Variants in FAM135B observed in about 807,000 individuals in gnomAD.
FAM135B encodes the protein protein FAM135B.
In FAM135B, 43 loss-of-function variants were observed where a neutral mutation model predicts 127.7. The observed-to-expected ratio is 0.34, with a 90% CI of 0.26 to 0.43. The LOEUF is 0.43. Among genes scored for constraint, FAM135B ranks in the 20% least tolerant of loss-of-function variants. FAM135B has a pLI of 1.00. For synonymous variants in FAM135B, 670 were observed against 665.1 expected, an observed-to-expected ratio of 1.01 and a Z score of -0.11; for missense variants, 1,558 against 1,725.6, an observed-to-expected ratio of 0.90 and a Z score of 1.72.
intron 3 of FAM135B, among the ~76,000 whole-genome samples, chr8:138,286,247 G>A (rs984157588): frequency 1.8e-4 from 28 of 152,348 alleles, no homozygotes; most frequent in Admixed American, 2.0e-4. Flanking sequence ...GCAAACCAAT[G>A]TGAGGGAGCA....
chr8:138,275,358 C>T (rs551225158), intron 3 of FAM135B, among the ~76,000 whole-genome samples: 23 of 152,238 alleles, frequency 1.5e-4, no homozygotes, highest in African/African-American at 5.3e-4. Context: ...TGCTTCTGCT[C>T]TTACCACCTA....
At chr8:138,407,663 T>G (rs951295353) in intron 1 of FAM135B, among the ~76,000 whole-genome samples, 2 of 152,200 alleles carry the variant, frequency 1.3e-5, no homozygotes, top group Non-Finnish European at 2.9e-5. Flanking sequence ...GGGGAAAGGA[T>G]TCCCTATTTA....
At chr8:138,186,113 T>C (rs1021073924) in intron 9 of FAM135B, among the ~76,000 whole-genome samples, 4 of 152,160 alleles carry the variant, frequency 2.6e-5, no homozygotes, top group African/African-American at 9.7e-5. Context: ...CCAGGCTCCA[T>C]GCCGGCCTCC....
intron 1 of FAM135B, among the ~76,000 whole-genome samples, chr8:138,371,288 T>C (rs549508297): frequency 6.6e-6 from 1 of 152,254 alleles, no homozygotes; most frequent in East Asian, 1.9e-4. Context: ...TGTTGGAACA[T>C]ACTTATGACA....
Position 138,152,926 on chromosome 8 carries a change from C to G in FAM135B, c.1549G>C (p.Glu517Gln). Residue 517 changes from glutamate to glutamine, a missense_variant, in exon 13 of 20, where the codon GAA (glutamate) becomes CAA (glutamine). Glu to Gln is a conservative substitution (Grantham distance 29). This residue lies in a region of FAM135B where 923 missense variants were observed against 865.3 expected (regional missense o/e 1.07). Transcript: ENST00000395297. ...TCAGATGTTTGGCCAGTCCAACATT[C>G]ATCTTCAGGCACACCTGCTTTGTTT... ...FQNKAGVPED[E>Q]CWTGQTSDAG... 6.2e-7 allele frequency: 1 copy of G among 1,614,226 alleles called. No individual in the cohort carries two copies. Among genetic ancestry groups the G allele is most frequent in the Non-Finnish European group, 8.5e-7 (1 of 1,180,042 alleles).
intron 1 of FAM135B, among the ~76,000 whole-genome samples, chr8:138,430,748 C>T (rs945499794): frequency 6.6e-6 from 1 of 152,164 alleles, no homozygotes; most frequent in East Asian, 1.9e-4. Flanking sequence ...GAAAGAGCAA[C>T]TGGGATAAGA....
intron 1 of FAM135B, among the ~76,000 whole-genome samples, chr8:138,493,112 G>A (rs372333717): frequency 6.6e-6 from 1 of 152,128 alleles, no homozygotes; most frequent in Admixed American, 6.5e-5. Context: ...TCTCCCTCAC[G>A]AGTCACTCCT....
At chr8:138,453,425 CAAAAA>C (rs397891817) in intron 1 of FAM135B, among the ~76,000 whole-genome samples, 3 of 84,322 alleles carry the variant, frequency 3.6e-5, no homozygotes, top group African/African-American at 1.1e-4. Context: ...GTCCAAGTGA[CAAAAA>C]AAAAAAAAAA....
chr8:138,219,275 T>A (rs764008471), intron 7 of FAM135B, among the ~76,000 whole-genome samples: 4 of 152,206 alleles, frequency 2.6e-5, no homozygotes, highest in Non-Finnish European at 2.9e-5. Flanking sequence ...TTTTGCTTAT[T>A]TTTCAGGGAG....
intron 2 of FAM135B, among the ~76,000 whole-genome samples, chr8:138,355,417 T>C (rs1344623453): frequency 1.3e-5 from 2 of 152,082 alleles, no homozygotes; most frequent in Non-Finnish European, 2.9e-5. Flanking sequence ...ATGTCCTTTG[T>C]AGGGACATGG....
At chr8:138,165,263 G>C (rs750740229) in intron 12 of FAM135B, among the ~76,000 whole-genome samples, 2 of 151,862 alleles carry the variant, frequency 1.3e-5, no homozygotes, top group Non-Finnish European at 2.9e-5. Context: ...TGGGATTACA[G>C]GCATGTGCCA....
chr8:138,155,334 C>A (rs976552498), intron 12 of FAM135B, among the ~76,000 whole-genome samples: 4 of 152,206 alleles, frequency 2.6e-5, no homozygotes, highest in Non-Finnish European at 4.4e-5. Flanking sequence ...CCAGCCACTG[C>A]AAACACATGC....
chr8:138,460,947 G>C (rs1408483554), intron 1 of FAM135B, among the ~76,000 whole-genome samples: 1 of 152,108 alleles, frequency 6.6e-6, no homozygotes, highest in Non-Finnish European at 1.5e-5. Flanking sequence ...TGCAGAGCGG[G>C]GCCTGGCATC....
chr8:138,346,683 G>A (rs908716959), intron 2 of FAM135B, among the ~76,000 whole-genome samples: 2 of 152,100 alleles, frequency 1.3e-5, no homozygotes, highest in African/African-American at 2.4e-5. Flanking sequence ...AGGTGGTGAC[G>A]GGGAGAATAT....
At position 138,151,504 on chromosome 8, in the gene FAM135B, G is replaced by A. The variant is rs867855435; in HGVS notation, c.2971C>T (p.His991Tyr). 1 of 1,614,230 alleles carries A rather than the reference G, an allele frequency of 6.2e-7. No homozygotes were observed. ...KAGTVCPTVT[H>Y]SVHSQVLKNQ... ...TTCAAAACCTGGGAATGAACGGAAT[G>A]GGTCACAGTGGGGCACACAGTGCCT... The change falls in exon 13 of 20, where the codon CAT (histidine) becomes TAT (tyrosine). Residue 991 changes from histidine to tyrosine, a missense_variant. Around this residue, in one of 5 missense-constraint regions of FAM135B, gnomAD observed 923 missense variants for 865.3 expected, o/e 1.07. Coordinates refer to ENST00000395297, the MANE Select transcript of FAM135B (RefSeq NM_015912.4).
intron 1 of FAM135B, among the ~76,000 whole-genome samples, chr8:138,446,381 A>G (rs1408268993): frequency 6.6e-6 from 1 of 152,070 alleles, no homozygotes; most frequent in Non-Finnish European, 1.5e-5. Context: ...AGCTGGAGGC[A>G]TCACGCTACC....
At chr8:138,260,987 C>T (rs549755602) in intron 4 of FAM135B, among the ~76,000 whole-genome samples, 4 of 152,234 alleles carry the variant, frequency 2.6e-5, no homozygotes, top group Admixed American at 1.3e-4. Flanking sequence ...AGCAACAATG[C>T]TTTCTTTCCC....
chr8:138,479,444 T>C (rs1814680644), intron 1 of FAM135B, among the ~76,000 whole-genome samples: 1 of 152,188 alleles, frequency 6.6e-6, no homozygotes, highest in Admixed American at 6.5e-5. Flanking sequence ...AGTCACGCCA[T>C]TGATATCAAT....
At chr8:138,455,624 C>T (rs928525137) in intron 1 of FAM135B, among the ~76,000 whole-genome samples, 4 of 152,208 alleles carry the variant, frequency 2.6e-5, no homozygotes, top group East Asian at 3.9e-4. Flanking sequence ...AGTATCTAGG[C>T]CCAAGAGATC....
Sources: allele counts gnomAD v4.1 joint callset (sites outside exome capture counted in the v4.1 genomes callset), GRCh38; gene constraint gnomAD v4.1.1; regional missense constraint gnomAD v4.1.1; transcripts MANE v1.5; gene names NCBI Gene and HGNC (gene_info 2026-07-23, HGNC 2026-07-21).